The following NTRK2 variants were observed in gnomAD, a reference collection of about 807,000 sequenced individuals.
NTRK2 encodes the protein neurotrophic receptor tyrosine kinase 2.
Under a neutral mutation model 94.5 loss-of-function variants are expected in NTRK2, and 13 were observed. The observed-to-expected ratio is 0.14, with a 90% CI of 0.09 to 0.22. The LOEUF is 0.22. NTRK2 is among the 10% of genes least tolerant of loss of function. NTRK2 has a pLI of 1.00. For synonymous variants in NTRK2, 372 were observed against 407.4 expected, an observed-to-expected ratio of 0.91 and a Z score of 1.05; for missense variants, 639 against 1,071.2, an observed-to-expected ratio of 0.60 and a Z score of 5.63.
chr9:84,746,879 T>C (rs1434929946), intron 11 of NTRK2, among the ~76,000 whole-genome samples: 3 of 152,230 alleles, frequency 2.0e-5, no homozygotes, highest in Admixed American at 6.5e-5. Flanking sequence ...GTTTGTTTAA[T>C]GTATTTTTCT....
At chr9:84,715,466 C>T (rs914178153) in intron 6 of NTRK2, among the ~76,000 whole-genome samples, 4 of 152,136 alleles carry the variant, frequency 2.6e-5, no homozygotes, top group Non-Finnish European at 5.9e-5. Flanking sequence ...CTAACAGTCC[C>T]CTCCTGCTGT....
chr9:84,911,557 C>A (rs933655171), intron 14 of NTRK2, among the ~76,000 whole-genome samples: 1 of 152,008 alleles, frequency 6.6e-6, no homozygotes, highest in Admixed American at 6.5e-5. Context: ...TTATGTGTAA[C>A]GTTGTTTGAA....
chr9:84,982,517 C>G (rs770808076), intron 17 of NTRK2, among the ~76,000 whole-genome samples: 14 of 152,168 alleles, frequency 9.2e-5, no homozygotes, highest in Non-Finnish European at 1.9e-4. Context: ...AGCTAAGTGC[C>G]TCTCTCTTCT....
intron 12 of NTRK2, among the ~76,000 whole-genome samples, chr9:84,831,431 A>G (rs1286613690): frequency 1.3e-5 from 2 of 152,320 alleles, no homozygotes; most frequent in East Asian, 3.9e-4. Flanking sequence ...AGGGAGAGAG[A>G]GAGAGGATCA....
chr9:84,877,358 G>A (rs2076104844), intron 14 of NTRK2: 1 of 1,066,092 alleles, frequency 9.4e-7, no homozygotes, highest in African/African-American at 1.6e-5. Flanking sequence ...GGGTTGCTGG[G>A]TTGGGGGATT....
chr9:84,983,139 TTAC>T (rs1827862074), intron 17 of NTRK2, among the ~76,000 whole-genome samples: 1 of 152,198 alleles, frequency 6.6e-6, no homozygotes, highest in Admixed American at 6.5e-5. Context: ...GTCTTAAAAA[TTAC>T]TACTACTTGC....
chr9:84,777,171 A>G (rs1467579784), intron 12 of NTRK2, among the ~76,000 whole-genome samples: 1 of 152,170 alleles, frequency 6.6e-6, no homozygotes, highest in East Asian at 1.9e-4. Context: ...GAAAGGAAAC[A>G]AGTGGGGTTG....
At chr9:84,876,946 T>C in intron 14 of NTRK2, 2 of 1,061,208 alleles carry the variant, frequency 1.9e-6, no homozygotes, top group Non-Finnish European at 2.3e-6. Context: ...TAGATTTTTA[T>C]GGACATTGGA....
intron 12 of NTRK2, chr9:84,810,644 C>G (rs200005063): frequency 6.8e-6 from 11 of 1,612,244 alleles, no homozygotes; most frequent in Non-Finnish European, 9.3e-6. Context: ...GCCATGTAAG[C>G]TGGACTCCTG....
chr9:84,813,177 G>A, intron 12 of NTRK2: 1 of 1,047,060 alleles, frequency 9.6e-7, no homozygotes, highest in Non-Finnish European at 1.2e-6. Context: ...GCACTTCAAT[G>A]CCAGGCAGGT....
chr9:84,685,442 G>A lies in NTRK2; in HGVS notation c.212+14482G>A, dbSNP rs530547955. On this transcript the variant is annotated intron_variant, in intron 2 of 18. Transcript: ENST00000277120. The stretch of plus-strand genomic sequence containing the variant: ...TCAGAATTTTCAGGATGATTCTAGC[G>A]TGATGATTATTCCACATGAATTTTA... Among the ~76,000 whole-genome samples the A allele has an allele frequency of 1.1e-4, 16 of 150,948 alleles. 1 individual carries two copies. The South Asian group carries it at 1.5e-3, about 14-fold the overall frequency.
intron 12 of NTRK2, among the ~76,000 whole-genome samples, chr9:84,802,347 C>T (rs924824600): frequency 3.9e-5 from 6 of 152,138 alleles, no homozygotes; most frequent in African/African-American, 1.4e-4. Context: ...CCAGGGTTTT[C>T]CTCATATATA....
In NTRK2 at chr9:84,967,306, GCT is replaced by G. The variant is rs1444041836; in HGVS notation, c.2172+11790_2172+11791del. On this transcript the variant is annotated intron_variant, in intron 17 of 18. Transcript: ENST00000277120. ...CTCCACAAGGAGCTGGGGCTCCCAG[GCT>G]GGTGGTCTAGGCAGACCCCTGCTGG... 2.6e-5 allele frequency among the ~76,000 whole-genome samples: 4 copies of G among 152,354 alleles called. No homozygotes were observed. The East Asian group carries it at 7.7e-4, about 29-fold the overall frequency.
intron 14 of NTRK2, among the ~76,000 whole-genome samples, chr9:84,928,700 C>T (rs1331407756): frequency 1.3e-5 from 2 of 152,066 alleles, no homozygotes; most frequent in African/African-American, 2.4e-5. Context: ...GAGCCAGTCT[C>T]GATGATCTTT....
chr9:84,961,510 T>C (rs78795376), intron 17 of NTRK2, among the ~76,000 whole-genome samples: 205 of 152,364 alleles, frequency 1.3e-3, no homozygotes, highest in Non-Finnish European at 2.3e-3. Context: ...TTGCATAAAC[T>C]GTTTCAAGGT....
chr9:84,969,405 G>C (rs1825934184), intron 17 of NTRK2, among the ~76,000 whole-genome samples: 1 of 152,244 alleles, frequency 6.6e-6, no homozygotes, highest in Admixed American at 6.5e-5. Flanking sequence ...AATTTGCATA[G>C]CTCAGGATAG....
intron 17 of NTRK2, among the ~76,000 whole-genome samples, chr9:84,963,789 G>A (rs930078107): frequency 1.3e-5 from 2 of 152,046 alleles, no homozygotes; most frequent in African/African-American, 4.8e-5. Context: ...TTTGAATTCT[G>A]TTTTTTCTGT....
At chr9:84,690,888 G>A (rs1234317094) in intron 2 of NTRK2, among the ~76,000 whole-genome samples, 2 of 151,966 alleles carry the variant, frequency 1.3e-5, no homozygotes. Context: ...TCAGCATATT[G>A]TACATAAAGA....
chr9:84,798,179 C>G (rs979524290), intron 12 of NTRK2, among the ~76,000 whole-genome samples: 2 of 151,862 alleles, frequency 1.3e-5, no homozygotes, highest in Non-Finnish European at 2.9e-5. Context: ...GTGTCTTCAT[C>G]TGGTGGAAGG....
Sources: allele counts gnomAD v4.1 joint callset (sites outside exome capture counted in the v4.1 genomes callset), GRCh38; gene constraint gnomAD v4.1.1; transcripts MANE v1.5; gene names NCBI Gene and HGNC (gene_info 2026-07-23, HGNC 2026-07-21).